The following RSU1 variants were observed in gnomAD, a reference collection of about 807,000 sequenced individuals.
The protein encoded by RSU1 is rsu-1.
Under a neutral mutation model 31.1 loss-of-function variants are expected in RSU1, and 26 were observed. The ratio of observed to expected loss-of-function variants is 0.84; its 90% CI spans 0.61 to 1.16. The LOEUF is 1.16. Among genes scored for constraint, RSU1 ranks in the 50% most tolerant of loss-of-function variants. The pLI is 0.00. For missense variants in RSU1, 320 were observed against 339.1 expected, an observed-to-expected ratio of 0.94 and a Z score of 0.44; for synonymous variants, 164 against 136.3, an observed-to-expected ratio of 1.20 and a Z score of -1.41.
chr10:16,701,390 T>C (rs1446778869), intron 7 of RSU1, among the ~76,000 whole-genome samples: 1 of 152,192 alleles, frequency 6.6e-6, no homozygotes, highest in East Asian at 1.9e-4. Context: ...CTGTACATCA[T>C]CAACGCAATG....
At chr10:16,678,862 C>T (rs558428221) in intron 8 of RSU1, among the ~76,000 whole-genome samples, 5 of 151,982 alleles carry the variant, frequency 3.3e-5, no homozygotes, top group East Asian at 1.9e-4. Context: ...AGCACAATCA[C>T]GCATTCCACA....
intron 7 of RSU1, chr10:16,748,043 A>C (rs1836893436): frequency 6.6e-6 from 1 of 152,222 alleles, no homozygotes; most frequent in Non-Finnish European, 1.5e-5. Flanking sequence ...CTAAATAAGA[A>C]AGTCAGATCA....
chr10:16,760,913 G>A (rs755217922), intron 4 of RSU1, among the ~76,000 whole-genome samples: 2 of 151,986 alleles, frequency 1.3e-5, no homozygotes, highest in East Asian at 3.9e-4. Flanking sequence ...TTTCTCAAGG[G>A]TCAGTATAAA....
intron 8 of RSU1, among the ~76,000 whole-genome samples, chr10:16,608,400 C>T (rs1435990684): frequency 6.6e-6 from 1 of 150,582 alleles, no homozygotes. Flanking sequence ...GGAATCAACG[C>T]CAGAAAATAC....
At chr10:16,699,198 G>C (rs1340234151) in intron 7 of RSU1, among the ~76,000 whole-genome samples, 1 of 152,206 alleles carries the variant, frequency 6.6e-6, no homozygotes, top group Non-Finnish European at 1.5e-5. Context: ...GTTAGAACTG[G>C]GACTTGCTGT....
intron 8 of RSU1, among the ~76,000 whole-genome samples, chr10:16,638,310 G>T (rs935317631): frequency 6.6e-6 from 1 of 151,732 alleles, no homozygotes; most frequent in African/African-American, 2.4e-5. Flanking sequence ...TTTTTCGCGC[G>T]CATGTGTGTA....
intron 8 of RSU1, among the ~76,000 whole-genome samples, chr10:16,665,601 CATAA>C (rs1834974386): frequency 6.6e-6 from 1 of 152,152 alleles, no homozygotes; most frequent in South Asian, 2.1e-4. Flanking sequence ...TATTTTGACA[CATAA>C]ATATTAATGA....
At chr10:16,718,587 A>C (rs940089770) in intron 7 of RSU1, among the ~76,000 whole-genome samples, 3 of 151,846 alleles carry the variant, frequency 2.0e-5, no homozygotes, top group African/African-American at 7.3e-5. Flanking sequence ...GGTAAATGGC[A>C]CATCTTAGGA....
intron 7 of RSU1, among the ~76,000 whole-genome samples, chr10:16,705,085 A>T (rs1196640041): frequency 6.6e-6 from 1 of 152,020 alleles, no homozygotes; most frequent in Non-Finnish European, 1.5e-5. Flanking sequence ...TGTGATTTTG[A>T]CTGTTCTAAG....
intron 8 of RSU1, among the ~76,000 whole-genome samples, chr10:16,680,902 C>T (rs1350647591): frequency 1.3e-5 from 2 of 152,150 alleles, no homozygotes; most frequent in Non-Finnish European, 1.5e-5. Flanking sequence ...AAGGGCTGAG[C>T]TCAGTAACTC....
intron 4 of RSU1, among the ~76,000 whole-genome samples, chr10:16,761,566 G>A (rs1837212122): frequency 6.6e-6 from 1 of 152,118 alleles, no homozygotes; most frequent in Non-Finnish European, 1.5e-5. Flanking sequence ...GTTTAAATAT[G>A]CCATTCTCAG....
chr10:16,681,736 C>A (rs1010136436), intron 8 of RSU1, among the ~76,000 whole-genome samples: 1 of 151,996 alleles, frequency 6.6e-6, no homozygotes, highest in Admixed American at 6.6e-5. Flanking sequence ...AAAACTGACA[C>A]TAGAAGCCAC....
At chr10:16,630,473 T>C (rs1000633770) in intron 8 of RSU1, among the ~76,000 whole-genome samples, 1 of 152,232 alleles carries the variant, frequency 6.6e-6, no homozygotes, top group African/African-American at 2.4e-5. Context: ...CAATGAGAGC[T>C]GGTGACAGCA....
chr10:16,760,850 T>A (rs924222131), intron 4 of RSU1, among the ~76,000 whole-genome samples: 1 of 152,178 alleles, frequency 6.6e-6, no homozygotes, highest in African/African-American at 2.4e-5. Flanking sequence ...TTCTCCATAC[T>A]CTTTCATACG....
chr10:16,695,805 A>G (rs1261885521), intron 7 of RSU1, among the ~76,000 whole-genome samples: 26 of 152,226 alleles, frequency 1.7e-4, no homozygotes, highest in Admixed American at 1.7e-3. Context: ...GAAATTAACT[A>G]ATATGCCCAA....
At chr10:16,678,884 C>G (rs1835277956) in intron 8 of RSU1, among the ~76,000 whole-genome samples, 1 of 151,550 alleles carries the variant, frequency 6.6e-6, no homozygotes, top group Admixed American at 6.6e-5. Context: ...GCCCCATGGA[C>G]TACTCCATCA....
intron 8 of RSU1, among the ~76,000 whole-genome samples, chr10:16,612,577 C>T (rs1157016161): frequency 1.3e-5 from 2 of 152,144 alleles, no homozygotes; most frequent in Admixed American, 6.5e-5. Context: ...AGATGGGAAC[C>T]ATATTACGTA....
Position 16,816,996 on chromosome 10 carries a change from T to G in RSU1, c.86A>C (p.Asn29Thr), listed in dbSNP as rs894740365. 2.5e-6 allele frequency: 4 copies of G among 1,613,764 alleles called. No individual in the cohort carries two copies. The highest frequency in any genetic ancestry group is 2.7e-5 in the African/African-American group (2 of 74,940). Residue 29 changes from asparagine to threonine, a missense_variant, in exon 2 of 9, where the codon AAC (asparagine) becomes ACC (threonine). Transcript: ENST00000345264. ...EVDMSDRGIS[N>T]MLDVNGLFTL... ...ACAGAGGCCGTTGACATCCAGCATG[T>G]TGGAGATGCCCCGGTCACTCATGTC... is the stretch of plus-strand genomic sequence containing the variant.
chr10:16,725,382 C>G (rs575722920), intron 7 of RSU1, among the ~76,000 whole-genome samples: 1 of 152,140 alleles, frequency 6.6e-6, no homozygotes, highest in South Asian at 2.1e-4. Context: ...ATTTTTATAC[C>G]TAGACGAATT....
Sources: gnomAD v4.1 joint callset for allele counts (sites outside exome capture counted in the v4.1 genomes callset) on GRCh38, gnomAD v4.1.1 for gene constraint, MANE v1.5 for transcripts, NCBI Gene and HGNC (gene_info 2026-07-23, HGNC 2026-07-21) for gene names.